Variants in TACC2 observed in about 807,000 individuals in gnomAD.
TACC2 encodes the protein transforming acidic coiled-coil containing protein 2.
Under a neutral mutation model 227.3 loss-of-function variants are expected in TACC2, and 137 were observed. The ratio of observed to expected loss-of-function variants is 0.60; its 90% CI spans 0.52 to 0.69. The LOEUF is 0.69. Ranked by LOEUF, TACC2 falls within the 30% of genes least tolerant of loss-of-function variation. The pLI is 0.00. For synonymous variants in TACC2, 1,523 were observed against 1,487.5 expected, an observed-to-expected ratio of 1.02 and a Z score of -0.55; for missense variants, 3,470 against 3,694.4, an observed-to-expected ratio of 0.94 and a Z score of 1.57.
chr10:122,184,528 G>C (rs1158825400), intron 7 of TACC2, among the ~76,000 whole-genome samples: 1 of 152,200 alleles, frequency 6.6e-6, no homozygotes, highest in Non-Finnish European at 1.5e-5. Context: ...CACATCTGGG[G>C]AGACCCCTGC....
At position 122,216,654 on chromosome 10, in the gene TACC2, A is replaced by G. The variant is rs758150082; in HGVS notation, c.7372A>G (p.Thr2458Ala). ...CCCCACCCCAGCTGCTACACCAGAA[A>G]CACCACCAGTGATCTCTGCGGTGGT... ...QDPTPAATPE[T>A]PPVISAVVHA... Residue 2458 changes from threonine to alanine, a missense_variant, in exon 11 of 23, where the codon ACA becomes GCA. Coordinates refer to ENST00000369005, the MANE Select transcript of TACC2 (RefSeq NM_206862.4). 2.0e-5 allele frequency: 32 copies of G among 1,613,686 alleles called. No individual in the cohort carries two copies. Among genetic ancestry groups the G allele is most frequent in the Non-Finnish European group, 2.5e-5 (30 of 1,179,962 alleles).
At chr10:122,136,541 GTGTGTA>G (rs955781258) in intron 6 of TACC2, among the ~76,000 whole-genome samples, 4 of 73,052 alleles carry the variant, frequency 5.5e-5, no homozygotes, top group Admixed American at 1.5e-4. Flanking sequence ...GTTTGTGTGT[GTGTGTA>G]TATATATATA....
chr10:122,174,912 G>C (rs983109404), intron 7 of TACC2, among the ~76,000 whole-genome samples: 2 of 152,114 alleles, frequency 1.3e-5, no homozygotes, highest in African/African-American at 4.8e-5. Flanking sequence ...CTATGAATTT[G>C]GCTTTATTTC....
intron 19 of TACC2, chr10:122,248,058 G>A (rs10887110): frequency 0.32 from 49,203 of 152,910 alleles, 9,140 homozygotes; most frequent in Non-Finnish European, 0.41. Context: ...TAACCTTGAC[G>A]GAAATAGCTC....
chr10:122,160,969 G>T (rs538237321), intron 7 of TACC2, among the ~76,000 whole-genome samples: 4 of 152,100 alleles, frequency 2.6e-5, no homozygotes, highest in African/African-American at 9.6e-5. Context: ...TGGAGACAGG[G>T]TCTCGCTCTG....
At chr10:122,228,153 AC>A (rs2095663855) in intron 14 of TACC2, 145 bp downstream of exon 14, 1 of 790,674 alleles carries the variant, frequency 1.3e-6, no homozygotes, top group Non-Finnish European at 2.0e-6. Flanking sequence ...ACAGAAGCCA[AC>A]CTGGGAAATC....
intron 7 of TACC2, among the ~76,000 whole-genome samples, chr10:122,148,067 G>C (rs2091609907): frequency 6.6e-6 from 1 of 151,848 alleles, no homozygotes; most frequent in South Asian, 2.1e-4. Context: ...CACTGAAATG[G>C]AAGTCGTTAT....
chr10:122,074,269 C>T (rs1034231672), intron 3 of TACC2, among the ~76,000 whole-genome samples: 3 of 151,496 alleles, frequency 2.0e-5, no homozygotes, highest in Admixed American at 6.6e-5. Flanking sequence ...TTAGTAGAGA[C>T]GGAGTTTTAC....
chr10:122,158,027 T>G (rs1386294864), intron 7 of TACC2, among the ~76,000 whole-genome samples: 1 of 152,118 alleles, frequency 6.6e-6, no homozygotes, highest in African/African-American at 2.4e-5. Flanking sequence ...CCTTCCCTCC[T>G]TCCCTCCTAT....
chr10:122,069,162 A>G (rs1190309803), intron 3 of TACC2, among the ~76,000 whole-genome samples: 3 of 143,130 alleles, frequency 2.1e-5, no homozygotes, highest in Non-Finnish European at 4.6e-5. Context: ...TCCACCTGGA[A>G]CCCCCTTCTC....
At chr10:122,189,348 C>T (rs979962256) in intron 7 of TACC2, among the ~76,000 whole-genome samples, 2 of 152,168 alleles carry the variant, frequency 1.3e-5, no homozygotes, top group African/African-American at 2.4e-5. Flanking sequence ...TGATCTGTCG[C>T]CGAGGGCTCA....
chr10:122,084,732 A>G lies in TACC2; in HGVS notation c.2232A>G (p.Ile744Met). 6.2e-7 allele frequency: 1 copy of G among 1,613,606 alleles called. No homozygotes were observed. The highest frequency in any genetic ancestry group is 8.5e-7 in the Non-Finnish European group (1 of 1,180,024). Residue 744 changes from isoleucine to methionine, a missense_variant, in exon 4 of 23, where the codon ATA (isoleucine) becomes ATG (methionine). Transcript: ENST00000369005. The part of the protein sequence containing the change: ...KAQEGESTLE[I>M]RKMGSCDGEG... ...AGGAAGGTGAGAGCACATTGGAAAT[A>G]AGGAAGATGGGCAGCTGTGATGGGG...
At chr10:122,046,967 G>A (rs940292360) in intron 2 of TACC2, among the ~76,000 whole-genome samples, 1 of 152,070 alleles carries the variant, frequency 6.6e-6, no homozygotes, top group African/African-American at 2.4e-5. Flanking sequence ...AGTAAAATGT[G>A]AGAATCATGC....
rs561944430 is a variant in TACC2, at chr10:122,012,912, C to T, written c.-45-9025C>T. Among the ~76,000 whole-genome samples, 11 of 152,290 alleles carry T rather than the reference C, an allele frequency of 7.2e-5. No individual in the cohort carries two copies. In the South Asian group the frequency reaches 8.3e-4, roughly 11 times the overall value. ...ACTGCCTGGGTGAAGCAGTGGGCCA[C>T]GGTGCTGCTCATAGAAACAAGAAAC... On this transcript the variant is annotated intron_variant, in intron 1 of 22. Transcript: ENST00000369005.
intron 9 of TACC2, 108 bp downstream of exon 9, chr10:122,211,816 G>A (rs536312668): frequency 1.0e-6 from 1 of 963,928 alleles, no homozygotes; most frequent in Admixed American, 3.4e-5. Flanking sequence ...CTTGCCCCTG[G>A]GTGCTGTGAT....
At chr10:122,226,307 C>A in intron 12 of TACC2, 59 bp from the exon 13 acceptor site, 1 of 1,166,798 alleles carries the variant, frequency 8.6e-7, no homozygotes, top group African/African-American at 1.5e-5. Flanking sequence ...CAGTTTTCAT[C>A]TCCGTTGCAC....
At chr10:122,186,117 C>T (rs530848010) in intron 7 of TACC2, among the ~76,000 whole-genome samples, 6 of 151,948 alleles carry the variant, frequency 3.9e-5, no homozygotes, top group Admixed American at 3.3e-4. Context: ...TTAGTAGAGA[C>T]AGGGTTTTGT....
At chr10:122,229,869 G>A (rs974988197) in intron 15 of TACC2, among the ~76,000 whole-genome samples, 1 of 152,112 alleles carries the variant, frequency 6.6e-6, no homozygotes, top group African/African-American at 2.4e-5. Flanking sequence ...GATAACATCT[G>A]GGCTCAGTCT....
Position 122,215,419 on chromosome 10 carries a change from A to G in TACC2, c.7312A>G (p.Lys2438Glu). ...CACATTTAGGGTGAAAAAGTCGCCA[A>G]AACGGTCTCCTCTCTCTGATCCACC... is the stretch of plus-strand genomic sequence containing the variant. Reference protein sequence around the residue: ...TDTFRVKKSPKRSPLSDPPSQ... With the variant: ...TDTFRVKKSPERSPLSDPPSQ... The change falls in exon 10 of 23, where the codon AAA (lysine) becomes GAA (glutamate). Residue 2438 changes from lysine (K) to glutamate (E), a missense_variant. By Grantham distance (56) the Lys-to-Glu change is moderately conservative. Around this residue, in one of 10 missense-constraint regions of TACC2, gnomAD observed 593 missense variants for 636.6 expected, o/e 0.93. Coordinates refer to ENST00000369005, the MANE Select transcript of TACC2 (RefSeq NM_206862.4). The G allele has an allele frequency of 1.2e-6, 2 of 1,614,030 alleles. No individual in the cohort carries two copies. Among genetic ancestry groups the G allele is most frequent in the South Asian group, 2.2e-5 (2 of 91,072 alleles).
Sources: allele counts gnomAD v4.1 joint callset (sites outside exome capture counted in the v4.1 genomes callset), GRCh38; gene constraint gnomAD v4.1.1; regional missense constraint gnomAD v4.1.1; transcripts MANE v1.5; gene names NCBI Gene and HGNC (gene_info 2026-07-23, HGNC 2026-07-21).